CNTNAP5: variants seen among roughly 807,000 people sequenced by gnomAD.
CNTNAP5 encodes the protein contactin-associated protein-like 5.
A neutral mutation model predicts 150.2 loss-of-function variants in CNTNAP5; 72 were observed. That is an observed-to-expected ratio of 0.48 (90% CI 0.40 to 0.58). CNTNAP5 has a LOEUF of 0.58. Ranked by LOEUF, CNTNAP5 falls within the 20% of genes least tolerant of loss-of-function variation. CNTNAP5 has a pLI of 0.00. For missense variants in CNTNAP5, 1,636 were observed against 1,626.2 expected (o/e 1.01, Z -0.10); for synonymous variants, 672 against 619.8 (o/e 1.08, Z -1.25).
chr2:124,664,942 C>T (rs1573533320), intron 13 of CNTNAP5, among the ~76,000 whole-genome samples: 1 of 152,176 alleles, frequency 6.6e-6, no homozygotes, highest in East Asian at 1.9e-4. Flanking sequence ...CCGCCTTGGC[C>T]TCCCAAAGTG....
chr2:124,847,849 T>A (rs1176922149), intron 19 of CNTNAP5, among the ~76,000 whole-genome samples: 9 of 152,220 alleles, frequency 5.9e-5, no homozygotes. Flanking sequence ...TTATGGAAAA[T>A]AACCTTAATG....
chr2:124,407,257 G>A (rs1166144391), intron 3 of CNTNAP5, among the ~76,000 whole-genome samples: 37 of 152,044 alleles, frequency 2.4e-4, no homozygotes, highest in Non-Finnish European at 5.9e-5. Flanking sequence ...AATTTTACCT[G>A]GCATCAATTT....
chr2:124,113,688 A>G (rs1292804274), intron 1 of CNTNAP5, among the ~76,000 whole-genome samples: 1 of 151,908 alleles, frequency 6.6e-6, no homozygotes, highest in African/African-American at 2.4e-5. Flanking sequence ...TAATTCAGCA[A>G]TGTTTTTCCT....
At chr2:124,762,837 T>A (rs955208661) in intron 14 of CNTNAP5, among the ~76,000 whole-genome samples, 1 of 152,066 alleles carries the variant, frequency 6.6e-6, no homozygotes, top group Non-Finnish European at 1.5e-5. Context: ...GAGCCTCAGT[T>A]TCCTCATTTG....
chr2:124,111,686 G>A (rs1475645385), intron 1 of CNTNAP5, among the ~76,000 whole-genome samples: 1 of 152,144 alleles, frequency 6.6e-6, no homozygotes, highest in African/African-American at 2.4e-5. Flanking sequence ...AAGGCCCAAG[G>A]CAAATGATTT....
chr2:124,794,043 A>G (rs1315851294), intron 18 of CNTNAP5, among the ~76,000 whole-genome samples: 1 of 152,162 alleles, frequency 6.6e-6, no homozygotes, highest in African/African-American at 2.4e-5. Context: ...TGCCCATTAC[A>G]TTTTATATTC....
intron 10 of CNTNAP5, among the ~76,000 whole-genome samples, chr2:124,542,534 A>G (rs1291289623): frequency 6.6e-6 from 1 of 151,900 alleles, no homozygotes; most frequent in Non-Finnish European, 1.5e-5. Context: ...GCCTCCAGGC[A>G]CTTGCTGCTA....
chr2:124,395,695 T>C (rs1691226263), intron 3 of CNTNAP5, among the ~76,000 whole-genome samples: 1 of 152,162 alleles, frequency 6.6e-6, no homozygotes, highest in Non-Finnish European at 1.5e-5. Flanking sequence ...TATGTCCATG[T>C]ATATGGCATG....
chr2:124,184,828 G>A (rs920198275), intron 1 of CNTNAP5, among the ~76,000 whole-genome samples: 8 of 152,106 alleles, frequency 5.3e-5, no homozygotes, highest in African/African-American at 1.9e-4. Context: ...GACCTAAGAT[G>A]GAACCATACT....
intron 1 of CNTNAP5, among the ~76,000 whole-genome samples, chr2:124,041,480 A>T (rs1681370454): frequency 6.6e-6 from 1 of 152,220 alleles, no homozygotes; most frequent in Admixed American, 6.5e-5. Context: ...CATTATTTGC[A>T]TGTGTATAGG....
At chr2:124,862,795 C>A (rs1008335026) in intron 19 of CNTNAP5, among the ~76,000 whole-genome samples, 2 of 152,188 alleles carry the variant, frequency 1.3e-5, no homozygotes, top group Non-Finnish European at 2.9e-5. Context: ...GAATTTGCTT[C>A]CCCAAGAGTC....
At chr2:124,675,363 T>G (rs1678916554) in intron 13 of CNTNAP5, among the ~76,000 whole-genome samples, 1 of 152,122 alleles carries the variant, frequency 6.6e-6, no homozygotes. Context: ...GATGTATATC[T>G]CATATAGACA....
chr2:124,429,292 A>G (rs77086112), intron 4 of CNTNAP5, among the ~76,000 whole-genome samples: 6,092 of 152,284 alleles, frequency 0.04, 142 homozygotes, highest in Middle Eastern at 0.051. Flanking sequence ...AAATTTTAAA[A>G]GAAAAGCTAT....
chr2:124,406,656 G>T (rs1243554519), intron 3 of CNTNAP5, among the ~76,000 whole-genome samples: 1 of 152,066 alleles, frequency 6.6e-6, no homozygotes, highest in Non-Finnish European at 1.5e-5. Context: ...AGGGTATTTG[G>T]GATATCCATC....
At chr2:124,700,069 A>T (rs375088951) in intron 13 of CNTNAP5, among the ~76,000 whole-genome samples, 1 of 152,122 alleles carries the variant, frequency 6.6e-6, no homozygotes, top group East Asian at 1.9e-4. Flanking sequence ...TTCTGTCTTT[A>T]TGGATTTGCC....
intron 5 of CNTNAP5, among the ~76,000 whole-genome samples, chr2:124,444,310 G>A (rs1370896391): frequency 6.6e-5 from 10 of 152,010 alleles, no homozygotes; most frequent in Admixed American, 1.3e-4. Context: ...AAAGTAATCT[G>A]CTGGCCGGGC....
At chr2:124,282,237 G>A (rs548749433) in intron 3 of CNTNAP5, among the ~76,000 whole-genome samples, 1 of 152,278 alleles carries the variant, frequency 6.6e-6, no homozygotes, top group African/African-American at 2.4e-5. Context: ...TGCACCTTGT[G>A]TCTAATGTTT....
chr2:124,093,557 C>T (rs1001221415), intron 1 of CNTNAP5, among the ~76,000 whole-genome samples: 9 of 152,246 alleles, frequency 5.9e-5, no homozygotes, highest in Middle Eastern at 3.4e-3. Flanking sequence ...ATGTATGAGA[C>T]GATGGGATCT....
At chr2:124,079,833 A>G (rs1244458597) in intron 1 of CNTNAP5, among the ~76,000 whole-genome samples, 4 of 152,188 alleles carry the variant, frequency 2.6e-5, no homozygotes, top group African/African-American at 9.7e-5. Flanking sequence ...TGCAGGCTCA[A>G]TAATGCTCAA....
Sources: gnomAD v4.1 joint callset for allele counts (sites outside exome capture counted in the v4.1 genomes callset) on GRCh38, gnomAD v4.1.1 for gene constraint, MANE v1.5 for transcripts, NCBI Gene and HGNC (gene_info 2026-07-23, HGNC 2026-07-21) for gene names.